The following DOCK10 variants were observed in gnomAD, a reference collection of about 807,000 sequenced individuals.
The protein encoded by DOCK10 is dedicator of cytokinesis protein 10.
A neutral mutation model predicts 280.1 loss-of-function variants in DOCK10; 145 were observed. The ratio of observed to expected loss-of-function variants is 0.52; its 90% CI spans 0.45 to 0.59. The LOEUF (loss-of-function observed/expected upper bound fraction) is 0.59. DOCK10 is among the 20% of genes least tolerant of loss of function. The probability of loss-of-function intolerance (pLI) is 0.00; values close to 1 mark genes in which losing one functional copy is unlikely to be tolerated. For synonymous variants in DOCK10, 915 were observed against 942.2 expected (o/e 0.97, Z 0.53); for missense variants, 2,368 against 2,651.7 (o/e 0.89, Z 2.35).
intron 1 of DOCK10, chr2:224,946,718 G>A: frequency 1.8e-6 from 1 of 555,714 alleles, no homozygotes; most frequent in South Asian, 5.0e-5. Flanking sequence ...GGACCCAAAT[G>A]GAATCTTCTG....
chr2:224,877,439 CTATTGGAATAGGTTCCTAT>C (rs1698700070), intron 7 of DOCK10, among the ~76,000 whole-genome samples: 2 of 83,908 alleles, frequency 2.4e-5, no homozygotes, highest in African/African-American at 1.1e-4. Context: ...GGTTCCTATT[CTATTGGAATAGGTTCCTAT>C]TCTATTGGAA....
chr2:224,920,164 C>T (rs556222009), intron 2 of DOCK10, among the ~76,000 whole-genome samples: 12 of 151,954 alleles, frequency 7.9e-5, no homozygotes, highest in Non-Finnish European at 1.3e-4. Flanking sequence ...CCTCGACCTC[C>T]GGGGCTCCAG....
intron 29 of DOCK10, among the ~76,000 whole-genome samples, chr2:224,819,006 C>T (rs1344360196): frequency 6.6e-6 from 1 of 152,144 alleles, no homozygotes; most frequent in South Asian, 2.1e-4. Flanking sequence ...GTGATGCTAC[C>T]TCTCTGGTCT....
chr2:224,838,742 T>G (rs922751835), intron 24 of DOCK10, among the ~76,000 whole-genome samples: 2 of 152,272 alleles, frequency 1.3e-5, no homozygotes, highest in East Asian at 3.9e-4. Context: ...TATGACTAAA[T>G]TTTTTAAAAA....
intron 1 of DOCK10, among the ~76,000 whole-genome samples, chr2:225,016,390 TATG>T (rs1258723036): frequency 6.6e-6 from 1 of 151,786 alleles, no homozygotes; most frequent in Non-Finnish European, 1.5e-5. Flanking sequence ...AAGGAAATAT[TATG>T]ATGTTCTTAT....
intron 1 of DOCK10, among the ~76,000 whole-genome samples, chr2:224,958,252 C>A (rs772668850): frequency 6.6e-6 from 1 of 152,166 alleles, no homozygotes; most frequent in African/African-American, 2.4e-5. Flanking sequence ...TCTTGAGCTG[C>A]GCTGCTACAG....
At position 224,971,632 on chromosome 2, in the gene DOCK10, T is replaced by A. The variant is rs188054567; in HGVS notation, c.124-39964A>T. ...GTGACAAAGAAACTAAATCTTTAATTTTACTTAATTTTATTTAACTTTGAT... is the reference window on the plus strand; with the variant it reads ...GTGACAAAGAAACTAAATCTTTAATATTACTTAATTTTATTTAACTTTGAT... On this transcript the variant is annotated intron_variant, in intron 1 of 55. Transcript: ENST00000258390. 1.2e-4 allele frequency among the ~76,000 whole-genome samples: 19 copies of A among 152,322 alleles called. No homozygotes were observed. The East Asian group carries it at 2.5e-3, about 20-fold the overall frequency.
intron 15 of DOCK10, among the ~76,000 whole-genome samples, chr2:224,855,989 A>G (rs1050622811): frequency 1.3e-5 from 2 of 152,244 alleles, no homozygotes; most frequent in African/African-American, 2.4e-5. Context: ...TATGGTGGAA[A>G]TGCTCTATTA....
chr2:224,843,824 A>G (rs1696148697), intron 22 of DOCK10, among the ~76,000 whole-genome samples: 1 of 152,272 alleles, frequency 6.6e-6, no homozygotes, highest in Non-Finnish European at 1.5e-5. Flanking sequence ...GGTAATAATT[A>G]TACGTGTATA....
intron 2 of DOCK10, among the ~76,000 whole-genome samples, chr2:224,928,821 G>A (rs1015456320): frequency 6.6e-6 from 1 of 152,302 alleles, no homozygotes; most frequent in Middle Eastern, 3.4e-3. Flanking sequence ...TTTCCACACA[G>A]AGCCCAGATG....
intron 1 of DOCK10, among the ~76,000 whole-genome samples, chr2:225,008,148 T>G (rs967602033): frequency 6.6e-6 from 1 of 152,206 alleles, no homozygotes; most frequent in Non-Finnish European, 1.5e-5. Context: ...GGATTAGTCT[T>G]CTTGTCATTC....
intron 50 of DOCK10, among the ~76,000 whole-genome samples, chr2:224,780,553 G>C (rs1691251087): frequency 6.6e-6 from 1 of 152,086 alleles, no homozygotes; most frequent in Non-Finnish European, 1.5e-5. Flanking sequence ...TTTTTCCCCT[G>C]ACAAATTTCC....
chr2:224,907,127 GTTGCCCC>G (rs1371538548), intron 3 of DOCK10, among the ~76,000 whole-genome samples: 1 of 152,208 alleles, frequency 6.6e-6, no homozygotes, highest in African/African-American at 2.4e-5. Context: ...CGGATTCACA[GTTGCCCC>G]TAGGACAAGA....
intron 3 of DOCK10, among the ~76,000 whole-genome samples, chr2:224,916,187 G>A (rs1701300100): frequency 6.6e-6 from 1 of 152,134 alleles, no homozygotes; most frequent in African/African-American, 2.4e-5. Flanking sequence ...CTTAAGGTCA[G>A]GAGTTTGAAA....
intron 1 of DOCK10, among the ~76,000 whole-genome samples, chr2:224,975,479 C>A (rs988780470): frequency 2.0e-5 from 3 of 152,144 alleles, no homozygotes; most frequent in Non-Finnish European, 2.9e-5. Flanking sequence ...AACATTAGCT[C>A]AGGATTTAGA....
intron 7 of DOCK10, among the ~76,000 whole-genome samples, chr2:224,882,527 C>T (rs892728219): frequency 1.3e-5 from 2 of 152,046 alleles, no homozygotes; most frequent in African/African-American, 2.4e-5. Flanking sequence ...TTGTAATATA[C>T]GTCTAAGAAT....
At position 224,841,915 on chromosome 2, in the gene DOCK10, A is replaced by T; in HGVS notation, c.2569-19T>A. On this transcript the variant is annotated intron_variant, in intron 22 of 55. Transcript: ENST00000258390. ...GTGGATCCTACAACAGCAAAAAAAA[A>T]GTATTTATTTCTGATGACACGTAAA... 6.4e-7 allele frequency: 1 copy of T among 1,555,646 alleles called. No homozygotes were observed. Among genetic ancestry groups the T allele is most frequent in the Non-Finnish European group, 8.9e-7 (1 of 1,126,972 alleles).
chr2:224,969,376 T>C (rs1018320151), intron 1 of DOCK10, among the ~76,000 whole-genome samples: 1 of 152,210 alleles, frequency 6.6e-6, no homozygotes, highest in African/African-American at 2.4e-5. Context: ...TGAACTTGGG[T>C]GATTCCAAAG....
intron 1 of DOCK10, among the ~76,000 whole-genome samples, chr2:225,019,684 G>A (rs193060573): frequency 3.9e-5 from 6 of 152,216 alleles, no homozygotes; most frequent in East Asian, 1.9e-4. Flanking sequence ...GGTTTATTCC[G>A]TCTTCACTGG....
Sources: gnomAD v4.1 joint callset for allele counts (sites outside exome capture counted in the v4.1 genomes callset) on GRCh38, gnomAD v4.1.1 for gene constraint, MANE v1.5 for transcripts, NCBI Gene and HGNC (gene_info 2026-07-23, HGNC 2026-07-21) for gene names.